The following SYNPR variants were observed in gnomAD, a reference collection of about 807,000 sequenced individuals.
SYNPR encodes the protein synaptoporin.
In SYNPR, 23 loss-of-function variants were observed where a neutral mutation model predicts 32.9. The ratio of observed to expected loss-of-function variants is 0.70; its 90% CI spans 0.50 to 0.99. The LOEUF is 0.99. Among genes scored for constraint, SYNPR ranks in the 50% least tolerant of loss-of-function variants. SYNPR has a pLI of 0.00. For missense variants in SYNPR, 318 were observed against 349.3 expected (o/e 0.91, Z 0.71); for synonymous variants, 146 against 135.9 (o/e 1.07, Z -0.52).
rs9864707 is a variant in SYNPR at position 63,531,619 on chromosome 3, G to C, written c.210-24924G>C. 9.0e-3 allele frequency among the ~76,000 whole-genome samples: 1,369 copies of C among 152,220 alleles called. 18 individuals are homozygous for C. The highest frequency in any genetic ancestry group is 0.027 in the African/African-American group (1,120 of 41,532). The stretch of plus-strand genomic sequence containing the variant: ...ATTGAGGGTCTAGACTTCAACAAAA[G>C]CTTTTTGGGAGATGTAATTCAGTCC... On this transcript the variant is annotated intron_variant, in intron 3 of 5. Coordinates refer to ENST00000478300, the MANE Select transcript of SYNPR (RefSeq NM_001130003.2).
chr3:63,422,066 C>T (rs1173528818), intron 2 of SYNPR, among the ~76,000 whole-genome samples: 1 of 152,170 alleles, frequency 6.6e-6, no homozygotes, highest in African/African-American at 2.4e-5. Context: ...ATAATGTAGG[C>T]TAATCAGTGA....
intron 2 of SYNPR, among the ~76,000 whole-genome samples, chr3:63,350,488 T>A (rs2087492603): frequency 6.6e-6 from 1 of 152,204 alleles, no homozygotes; most frequent in Non-Finnish European, 1.5e-5. Flanking sequence ...GCCATATTGC[T>A]AAAGCTGTGT....
chr3:63,467,587 T>A (rs1261180186), intron 2 of SYNPR, among the ~76,000 whole-genome samples: 5 of 152,238 alleles, frequency 3.3e-5, no homozygotes, highest in Admixed American at 3.3e-4. Flanking sequence ...ATGATGTCTG[T>A]AAAGCACTTG....
At chr3:63,262,651 AC>A (rs2086448561) in intron 2 of SYNPR, among the ~76,000 whole-genome samples, 1 of 152,058 alleles carries the variant, frequency 6.6e-6, no homozygotes, top group South Asian at 2.1e-4. Context: ...AGTGATGGGG[AC>A]CGTGCCAAAG....
At chr3:63,259,974 C>T (rs1327436181) in intron 2 of SYNPR, among the ~76,000 whole-genome samples, 1 of 152,172 alleles carries the variant, frequency 6.6e-6, no homozygotes, top group Non-Finnish European at 1.5e-5. Context: ...TTCACAATTT[C>T]TTCAAAGAGA....
intron 2 of SYNPR, among the ~76,000 whole-genome samples, chr3:63,284,499 G>A (rs1229219745): frequency 6.6e-6 from 1 of 151,990 alleles, no homozygotes; most frequent in Non-Finnish European, 1.5e-5. Flanking sequence ...TATAACCCTG[G>A]GTTTCACATC....
At chr3:63,320,116 A>T (rs538330583) in intron 2 of SYNPR, among the ~76,000 whole-genome samples, 1 of 151,794 alleles carries the variant, frequency 6.6e-6, no homozygotes, top group South Asian at 2.1e-4. Flanking sequence ...TACCTGGCTA[A>T]TTTTTTCTGT....
chr3:63,482,815 T>C (rs1247219249), intron 3 of SYNPR, among the ~76,000 whole-genome samples: 1 of 152,228 alleles, frequency 6.6e-6, no homozygotes. Context: ...CCATTATCCA[T>C]GTACATATTC....
chr3:63,412,667 T>C (rs902871215), intron 2 of SYNPR, among the ~76,000 whole-genome samples: 2 of 152,130 alleles, frequency 1.3e-5, no homozygotes, highest in Non-Finnish European at 2.9e-5. Flanking sequence ...CTTAGTGTCA[T>C]GGAAGCAGGC....
intron 4 of SYNPR, among the ~76,000 whole-genome samples, chr3:63,572,078 A>G (rs949310569): frequency 1.3e-5 from 2 of 152,118 alleles, no homozygotes; most frequent in African/African-American, 4.8e-5. Context: ...CCTCACATCC[A>G]CTTGACTTTC....
At chr3:63,481,026 A>G in intron 3 of SYNPR, 70 bp downstream of exon 3, 1 of 1,551,464 alleles carries the variant, frequency 6.4e-7, no homozygotes, top group Non-Finnish European at 8.7e-7. Flanking sequence ...TTTGTCTCAG[A>G]AAAAATGCAG....
intron 1 of SYNPR, among the ~76,000 whole-genome samples, chr3:63,233,906 A>G (rs555026178): frequency 6.6e-6 from 1 of 152,272 alleles, no homozygotes; most frequent in African/African-American, 2.4e-5. Context: ...TTCTTTACCT[A>G]AGTTTAGAAA....
intron 2 of SYNPR, among the ~76,000 whole-genome samples, chr3:63,455,788 G>GTGT (rs1559504358): frequency 2.7e-5 from 2 of 74,616 alleles, no homozygotes; most frequent in Non-Finnish European, 5.0e-5. Context: ...TGTGTGTGTG[G>GTGT]ATCTTCAGAT....
chr3:63,515,298 A>G (rs1161042257), intron 3 of SYNPR, among the ~76,000 whole-genome samples: 1 of 152,006 alleles, frequency 6.6e-6, no homozygotes, highest in Non-Finnish European at 1.5e-5. Context: ...CTCAGTATCT[A>G]AAGTCCCCCT....
chr3:63,296,097 C>T (rs1357125845), intron 2 of SYNPR, among the ~76,000 whole-genome samples: 1 of 152,100 alleles, frequency 6.6e-6, no homozygotes, highest in African/African-American at 2.4e-5. Flanking sequence ...TCATATGAGG[C>T]AACACAAGTG....
the SYNPR span, among the ~76,000 whole-genome samples, chr3:63,206,825 G>A: frequency 1.3e-5 from 2 of 152,164 alleles, no homozygotes; most frequent in African/African-American, 4.8e-5. Flanking sequence ...CACCTGAGCT[G>A]GGCCAATCAA....
intron 2 of SYNPR, among the ~76,000 whole-genome samples, chr3:63,378,973 G>A (rs1288993555): frequency 6.6e-6 from 1 of 152,020 alleles, no homozygotes; most frequent in East Asian, 1.9e-4. Context: ...TACACAAAAT[G>A]TGTTTTACAC....
At chr3:63,329,596 T>A (rs2087204160) in intron 2 of SYNPR, among the ~76,000 whole-genome samples, 1 of 152,192 alleles carries the variant, frequency 6.6e-6, no homozygotes, top group Non-Finnish European at 1.5e-5. Context: ...TGATGACTAG[T>A]AATGTTGGCC....
In SYNPR at chr3:63,264,883, A is replaced by G. The variant is rs1007137139; in HGVS notation, n.155-2434A>G. On this transcript the variant is annotated intron_variant and non_coding_transcript_variant, in intron 2 of 4. Coordinates refer to the SYNPR transcript ENST00000478456. ...ACCGTCAGATCTCCCGAGACTCACT[A>G]TCACGATAACAGCATGGGGGAAACA... Among the ~76,000 whole-genome samples, 7 of 150,808 alleles carry G rather than the reference A, an allele frequency of 4.6e-5. No homozygotes were observed. The East Asian group carries it at 1.4e-3, about 30-fold the overall frequency.
Sources: allele counts gnomAD v4.1 joint callset (sites outside exome capture counted in the v4.1 genomes callset), GRCh38; gene constraint gnomAD v4.1.1; transcripts MANE v1.5; gene names NCBI Gene and HGNC (gene_info 2026-07-23, HGNC 2026-07-21).